Variants in CSMD1 observed in about 807,000 individuals in gnomAD.
CSMD1 encodes the protein CUB and Sushi multiple domains 1.
A neutral mutation model predicts 417.5 loss-of-function variants in CSMD1; 213 were observed. The ratio of observed to expected loss-of-function variants is 0.51; its 90% CI spans 0.46 to 0.57. The LOEUF (loss-of-function observed/expected upper bound fraction) is 0.57. Ranked by LOEUF, CSMD1 falls within the 20% of genes least tolerant of loss-of-function variation. The probability of loss-of-function intolerance (pLI) is 0.00; values close to 1 mark genes in which losing one functional copy is unlikely to be tolerated. For synonymous variants in CSMD1, 2,862 were observed against 1,736.8 expected (o/e 1.65, Z -16.11); for missense variants, 6,923 against 4,529.7 (o/e 1.53, Z -15.17).
At chr8:4,757,959 CAAAAAA>C (rs35869578) in intron 1 of CSMD1, among the ~76,000 whole-genome samples, 1 of 72,050 alleles carries the variant, frequency 1.4e-5, no homozygotes, top group African/African-American at 5.7e-5. Flanking sequence ...GACTTTGTCT[CAAAAAA>C]AAAAAAAAAA....
At chr8:4,178,027 C>T (rs958549690) in intron 3 of CSMD1, among the ~76,000 whole-genome samples, 61 of 152,298 alleles carry the variant, frequency 4.0e-4, no homozygotes, top group African/African-American at 1.4e-3. Context: ...ACCATTCCTT[C>T]TGAAACTATT....
chr8:3,096,517 G>C (rs948975053), intron 47 of CSMD1, among the ~76,000 whole-genome samples: 14 of 152,032 alleles, frequency 9.2e-5, no homozygotes, highest in Non-Finnish European at 1.2e-4. Context: ...AATGTGACTT[G>C]CTCCTCCTTG....
rs571090613 is a variant in CSMD1, at chr8:4,890,241, A to C, written c.85+104091T>G. Reference sequence around the variant, plus strand: ...GCTCAGGCTGGAAGAAGACTGAAGCAGCACGATAGAGTGGAGTGAATTTGG... The same window carrying C: ...GCTCAGGCTGGAAGAAGACTGAAGCCGCACGATAGAGTGGAGTGAATTTGG... On this transcript the variant is annotated intron_variant, in intron 1 of 69. Coordinates refer to ENST00000635120, the MANE Select transcript of CSMD1 (RefSeq NM_033225.6). Among the ~76,000 whole-genome samples the C allele has an allele frequency of 4.1e-4, 62 of 152,280 alleles. 1 individual carries two copies. The highest frequency in any genetic ancestry group is 1.4e-3 in the African/African-American group (60 of 41,518).
At chr8:3,631,052 C>G (rs771027522) in intron 7 of CSMD1, among the ~76,000 whole-genome samples, 2 of 152,156 alleles carry the variant, frequency 1.3e-5, no homozygotes, top group Non-Finnish European at 2.9e-5. Context: ...GCTCGTGCCG[C>G]TCCTTCCACC....
rs117174154 is a variant in CSMD1 at position 3,613,861 on chromosome 8, A to T, written c.1097+2849T>A. On this transcript the variant is annotated intron_variant, in intron 8 of 69. Coordinates refer to ENST00000635120, the MANE Select transcript of CSMD1 (RefSeq NM_033225.6). Reference sequence around the variant, plus strand: ...CACTTTCCACCTAAGCTCAGGAATAAAGGCAGAGATGTCTCACCATTTCTA... The same window carrying T: ...CACTTTCCACCTAAGCTCAGGAATATAGGCAGAGATGTCTCACCATTTCTA... Among the ~76,000 whole-genome samples, 1,100 of 152,236 alleles carry T rather than the reference A, an allele frequency of 7.2e-3. 6 individuals carry two copies. Among genetic ancestry groups the T allele is most frequent in the Middle Eastern group, 0.054 (16 of 294 alleles).
At chr8:3,309,949 G>A (rs956987908) in intron 23 of CSMD1, among the ~76,000 whole-genome samples, 2 of 151,664 alleles carry the variant, frequency 1.3e-5, no homozygotes, top group East Asian at 1.9e-4. Context: ...TCCACAAAGA[G>A]TCAGTCTTTA....
chr8:4,633,009 T>C (rs527257535), intron 2 of CSMD1, among the ~76,000 whole-genome samples: 44 of 152,030 alleles, frequency 2.9e-4, no homozygotes, highest in Non-Finnish European at 5.6e-4. Flanking sequence ...CTTTCTTGAA[T>C]TTCAGGGTCA....
intron 3 of CSMD1, among the ~76,000 whole-genome samples, chr8:4,256,205 A>C (rs1803444999): frequency 6.6e-6 from 1 of 152,088 alleles, no homozygotes; most frequent in African/African-American, 2.4e-5. Context: ...ATTTGTCCTT[A>C]CTCAAAGTAA....
At chr8:4,042,173 C>T (rs1467010610) in intron 3 of CSMD1, among the ~76,000 whole-genome samples, 1 of 152,044 alleles carries the variant, frequency 6.6e-6, no homozygotes, top group African/African-American at 2.4e-5. Flanking sequence ...CTCATAAATA[C>T]AAAAAGTTCA....
intron 1 of CSMD1, among the ~76,000 whole-genome samples, chr8:4,650,281 C>A (rs1375551856): frequency 7.2e-6 from 1 of 139,352 alleles, no homozygotes; most frequent in East Asian, 2.3e-4. Flanking sequence ...GGAGGCGGAG[C>A]TTGCAGTGAG....
At chr8:4,199,112 G>C (rs972066482) in intron 3 of CSMD1, among the ~76,000 whole-genome samples, 2 of 152,154 alleles carry the variant, frequency 1.3e-5, no homozygotes, top group Admixed American at 6.5e-5. Flanking sequence ...AGCTTCTGCT[G>C]TCCGTAAAGT....
At chr8:3,346,513 T>C (rs922571035) in intron 22 of CSMD1, among the ~76,000 whole-genome samples, 1 of 152,208 alleles carries the variant, frequency 6.6e-6, no homozygotes, top group Non-Finnish European at 1.5e-5. Flanking sequence ...ATACTGCCAG[T>C]GTGAGATTTC....
At chr8:4,624,331 G>A (rs185274030) in intron 2 of CSMD1, among the ~76,000 whole-genome samples, 3 of 152,020 alleles carry the variant, frequency 2.0e-5, no homozygotes, top group Admixed American at 1.3e-4. Flanking sequence ...TCGAGCTCTT[G>A]TCAAATCTCT....
intron 2 of CSMD1, among the ~76,000 whole-genome samples, chr8:4,472,497 T>C (rs1800592075): frequency 1.3e-5 from 2 of 152,118 alleles, no homozygotes; most frequent in African/African-American, 4.8e-5. Flanking sequence ...GAACCTTATT[T>C]ATGCTTTGTA....
intron 33 of CSMD1, among the ~76,000 whole-genome samples, chr8:3,199,222 A>C (rs1398888709): frequency 6.6e-6 from 1 of 152,208 alleles, no homozygotes; most frequent in African/African-American, 2.4e-5. Flanking sequence ...ACAAAATAAA[A>C]TAGGTATTTA....
At position 4,707,997 on chromosome 8, in the gene CSMD1, G is replaced by A. The variant is rs539708220; in HGVS notation, c.86-70439C>T. On this transcript the variant is annotated intron_variant, in intron 1 of 69. Transcript: ENST00000635120. ...ATCTCACTCTGTCACCCAGGCTAGT[G>A]CAGTGACATGAACATAGCTCACTGC... is the stretch of plus-strand genomic sequence containing the variant. Among the ~76,000 whole-genome samples, 20 of 151,494 alleles carry A rather than the reference G, an allele frequency of 1.3e-4. No homozygotes were observed. In the South Asian group the frequency reaches 3.8e-3, roughly 28 times the overall value.
chr8:3,815,969 G>A (rs1163837249), intron 5 of CSMD1, among the ~76,000 whole-genome samples: 1 of 152,108 alleles, frequency 6.6e-6, no homozygotes, highest in Non-Finnish European at 1.5e-5. Flanking sequence ...CCTCCAATAG[G>A]TTTACTTGAT....
intron 3 of CSMD1, among the ~76,000 whole-genome samples, chr8:4,242,663 C>T (rs1367776419): frequency 6.6e-6 from 1 of 152,174 alleles, no homozygotes; most frequent in African/African-American, 2.4e-5. Flanking sequence ...TCCCTCCTTC[C>T]AGGTTCACAG....
At chr8:3,905,462 G>A (rs1322221938) in intron 5 of CSMD1, among the ~76,000 whole-genome samples, 2 of 152,184 alleles carry the variant, frequency 1.3e-5, no homozygotes, top group African/African-American at 2.4e-5. Context: ...CCCAACACGG[G>A]TCCAATGACG....
Sources: gnomAD v4.1 joint callset for allele counts (sites outside exome capture counted in the v4.1 genomes callset) on GRCh38, gnomAD v4.1.1 for gene constraint, MANE v1.5 for transcripts, NCBI Gene and HGNC (gene_info 2026-07-23, HGNC 2026-07-21) for gene names.